Variants in CDS1 observed in about 807,000 individuals in gnomAD.
CDS1 encodes the protein CDP-diacylglycerol synthase 1.
A neutral mutation model predicts 62.1 loss-of-function variants in CDS1; 41 were observed. The ratio of observed to expected loss-of-function variants is 0.66; its 90% CI spans 0.51 to 0.86. CDS1 has a LOEUF of 0.86. Among genes scored for constraint, CDS1 ranks in the 40% least tolerant of loss-of-function variants. CDS1 has a pLI of 0.00. For synonymous variants in CDS1, 185 were observed against 192.6 expected (o/e 0.96, Z 0.32); for missense variants, 470 against 550.1 (o/e 0.85, Z 1.46).
At chr4:84,611,873 G>A (rs946745163) in intron 3 of CDS1, among the ~76,000 whole-genome samples, 2 of 152,094 alleles carry the variant, frequency 1.3e-5, no homozygotes, top group South Asian at 2.1e-4. Context: ...GTCTTCTGTC[G>A]CTGAATGTGC....
At chr4:84,613,405 T>C (rs1723389659) in intron 3 of CDS1, among the ~76,000 whole-genome samples, 1 of 152,032 alleles carries the variant, frequency 6.6e-6, no homozygotes, top group Non-Finnish European at 1.5e-5. Context: ...GGTCAGAAGT[T>C]CAAGACCAGC....
chr4:84,588,815 A>G (rs1560461920), intron 1 of CDS1, among the ~76,000 whole-genome samples: 1 of 152,196 alleles, frequency 6.6e-6, no homozygotes, highest in Non-Finnish European at 1.5e-5. Flanking sequence ...AGAAGTTGCA[A>G]ATCTTGTGAT....
rs1263738393 is a variant in CDS1 at position 84,635,680 on chromosome 4, TTCCTTCCTTCCC to T, written c.810+337_810+348del. 5.5e-3 allele frequency among the ~76,000 whole-genome samples: 400 copies of T among 72,558 alleles called. 10 individuals are homozygous for T. Among genetic ancestry groups the T allele is most frequent in the African/African-American group, 0.021 (377 of 17,544 alleles). The allele number at this position is 72,558 out of a possible 152,430, so 47.6% of individuals were successfully genotyped here. On this transcript the variant is annotated intron_variant, in intron 8 of 12. Transcript: ENST00000295887. ...CTTCCTTCCTTCCTTCCTTCCTTCCTTCCTTCCTTCCCTCCTTCCCTCCCTCCCTCCCTCCCT... is the reference window on the plus strand; with the variant it reads ...CTTCCTTCCTTCCTTCCTTCCTTCCTTCCTTCCCTCCCTCCCTCCCTCCCT...
chr4:84,630,791 C>A (rs865884503), intron 5 of CDS1, among the ~76,000 whole-genome samples: 3 of 151,330 alleles, frequency 2.0e-5, no homozygotes, highest in Admixed American at 6.6e-5. Flanking sequence ...AGCCATAGAG[C>A]GACACTTGAC....
At position 84,649,645 on chromosome 4, in the gene CDS1, A is replaced by C. The variant is rs145361899; in HGVS notation, c.*959A>C. 1 of 152,176 alleles carries C rather than the reference A, an allele frequency of 6.6e-6. No homozygotes were observed. The highest frequency in any genetic ancestry group is 6.6e-5 in the Admixed American group (1 of 15,262). The allele number at this position is 152,176 out of a possible 1,614,324, so 9.4% of individuals were successfully genotyped here. A position where few individuals can be genotyped will look rare whatever the true frequency, so the allele number is the denominator to read the frequency against. On this transcript the variant is annotated 3_prime_UTR_variant, in exon 13 of 13. Coordinates refer to ENST00000295887, the MANE Select transcript of CDS1 (RefSeq NM_001263.4). ...GGAGCAACCCACCCCCGTGTCCCCA[A>C]TGCCTCACTCCTGGCTTCTAGTGCA...
chr4:84,621,798 A>C (rs907105477), intron 5 of CDS1, among the ~76,000 whole-genome samples: 3 of 152,178 alleles, frequency 2.0e-5, no homozygotes, highest in Non-Finnish European at 4.4e-5. Context: ...TTTCACTGCT[A>C]TATCTATAGA....
At chr4:84,613,017 AG>A (rs1354023825) in intron 3 of CDS1, among the ~76,000 whole-genome samples, 1 of 151,292 alleles carries the variant, frequency 6.6e-6, no homozygotes, top group East Asian at 1.9e-4. Flanking sequence ...AGAATATTAA[AG>A]ATCTAAGTAA....
intron 1 of CDS1, among the ~76,000 whole-genome samples, chr4:84,598,126 C>CAAAAA (rs879924741): frequency 1.2e-5 from 1 of 82,986 alleles, no homozygotes; most frequent in Admixed American, 1.4e-4. Context: ...ACTCCATCTC[C>CAAAAA]AAAAAAAAAA....
At chr4:84,627,279 CTTGT>C (rs1223636413) in intron 5 of CDS1, among the ~76,000 whole-genome samples, 1 of 152,090 alleles carries the variant, frequency 6.6e-6, no homozygotes, top group Non-Finnish European at 1.5e-5. Flanking sequence ...AATTAAATGA[CTTGT>C]TTAATATTAT....
At chr4:84,598,317 T>C (rs1400574912) in intron 1 of CDS1, among the ~76,000 whole-genome samples, 1 of 151,960 alleles carries the variant, frequency 6.6e-6, no homozygotes, top group Non-Finnish European at 1.5e-5. Context: ...CAAATCTTAA[T>C]GCTGAACTGA....
At chr4:84,622,264 T>C (rs948502732) in intron 5 of CDS1, among the ~76,000 whole-genome samples, 6 of 152,274 alleles carry the variant, frequency 3.9e-5, no homozygotes, top group African/African-American at 9.6e-5. Context: ...CCCAACACTT[T>C]TGTTTCATGT....
At chr4:84,620,966 G>A (rs1723669000) in intron 5 of CDS1, among the ~76,000 whole-genome samples, 1 of 152,080 alleles carries the variant, frequency 6.6e-6, no homozygotes, top group Admixed American at 6.5e-5. Context: ...AGGTTGAGGC[G>A]GGAGAATCGC....
chr4:84,600,837 G>A (rs1411200313), intron 1 of CDS1, among the ~76,000 whole-genome samples: 1 of 152,100 alleles, frequency 6.6e-6, no homozygotes, highest in African/African-American at 2.4e-5. Flanking sequence ...ACAGAAGAAG[G>A]TGATGCTCAG....
At chr4:84,623,131 T>C (rs1723741880) in intron 5 of CDS1, among the ~76,000 whole-genome samples, 1 of 152,216 alleles carries the variant, frequency 6.6e-6, no homozygotes, top group Non-Finnish European at 1.5e-5. Flanking sequence ...ACCTCTGCAT[T>C]CCTGTTCCTG....
intron 1 of CDS1, among the ~76,000 whole-genome samples, chr4:84,592,502 T>TA (rs1288253301): frequency 6.6e-6 from 1 of 152,138 alleles, no homozygotes; most frequent in Non-Finnish European, 1.5e-5. Context: ...ATCCCTGAGA[T>TA]ACACCAAGTT....
At position 84,643,147 on chromosome 4, in the gene CDS1, T is replaced by G. The variant is rs776461214; in HGVS notation, c.1152+4T>G. On this transcript the variant is annotated splice_donor_region_variant and intron_variant, in intron 11 of 12. Coordinates refer to ENST00000295887, the MANE Select transcript of CDS1 (RefSeq NM_001263.4). ...CAAAAGAGCCTTCAAAATCAAGGTG[T>G]GTGTTTAGATTCTTTGTTATATTAT... is the stretch of plus-strand genomic sequence containing the variant. The G allele has an allele frequency of 2.3e-5, 37 of 1,611,698 alleles. No individual in the cohort carries two copies. In the African/African-American group the frequency reaches 4.5e-4, roughly 20 times the overall value.
intron 10 of CDS1, among the ~76,000 whole-genome samples, chr4:84,641,376 T>C (rs1724379931): frequency 6.6e-6 from 1 of 152,186 alleles, no homozygotes; most frequent in South Asian, 2.1e-4. Context: ...TGAAGATTAA[T>C]TAAGCTTTCT....
chr4:84,644,264 C>T (rs745758899), intron 11 of CDS1, among the ~76,000 whole-genome samples: 39 of 152,308 alleles, frequency 2.6e-4, no homozygotes, highest in Middle Eastern at 3.4e-3. Flanking sequence ...CAATACACTT[C>T]CCCAGAGAAC....
chr4:84,636,612 C>A (rs1240425088), intron 8 of CDS1, among the ~76,000 whole-genome samples: 1 of 152,172 alleles, frequency 6.6e-6, no homozygotes, highest in Non-Finnish European at 1.5e-5. Context: ...GCAACCTCCG[C>A]CTCCTGGGTT....
Sources: allele counts gnomAD v4.1 joint callset (sites outside exome capture counted in the v4.1 genomes callset), GRCh38; gene constraint gnomAD v4.1.1; transcripts MANE v1.5; gene names NCBI Gene and HGNC (gene_info 2026-07-23, HGNC 2026-07-21).